PHACTR3: variants seen among roughly 807,000 people sequenced by gnomAD.
PHACTR3 encodes protein phosphatase 1, regulatory subunit 123.
A neutral mutation model predicts 66.8 loss-of-function variants in PHACTR3; 16 were observed. That is an observed-to-expected ratio of 0.24 (90% CI 0.16 to 0.36). The LOEUF is 0.36. Ranked by LOEUF, PHACTR3 falls within the 10% of genes least tolerant of loss-of-function variation. The probability of loss-of-function intolerance (pLI) is 1.00; values close to 1 mark genes in which losing one functional copy is unlikely to be tolerated. For missense variants in PHACTR3, 647 were observed against 719.9 expected, an observed-to-expected ratio of 0.90 and a Z score of 1.16; for synonymous variants, 323 against 292.1, an observed-to-expected ratio of 1.11 and a Z score of -1.08.
At chr20:59,816,215 C>G (rs2041882981) in intron 8 of PHACTR3, among the ~76,000 whole-genome samples, 1 of 152,006 alleles carries the variant, frequency 6.6e-6, no homozygotes, top group Non-Finnish European at 1.5e-5. Flanking sequence ...ATGCGTAGTT[C>G]ACAATCTGCT....
chr20:59,689,912 C>T (rs957486767), intron 1 of PHACTR3, among the ~76,000 whole-genome samples: 1 of 152,162 alleles, frequency 6.6e-6, no homozygotes, highest in African/African-American at 2.4e-5. Flanking sequence ...TGTCTGTGCG[C>T]TGGGAGGATA....
At chr20:59,634,516 C>T (rs1265440794) in intron 1 of PHACTR3, among the ~76,000 whole-genome samples, 1 of 152,212 alleles carries the variant, frequency 6.6e-6, no homozygotes, top group East Asian at 1.9e-4. Context: ...CAAGCCCTCA[C>T]CCTGGCCTGC....
intron 7 of PHACTR3, among the ~76,000 whole-genome samples, chr20:59,805,260 A>G (rs1035164189): frequency 2.6e-5 from 4 of 152,174 alleles, no homozygotes; most frequent in Non-Finnish European, 5.9e-5. Context: ...GATTCCAGAC[A>G]CACATAGAAC....
At chr20:59,785,861 G>GA (rs1287723545) in intron 7 of PHACTR3, among the ~76,000 whole-genome samples, 1 of 30,182 alleles carries the variant, frequency 3.3e-5, no homozygotes, top group Non-Finnish European at 1.6e-4. Flanking sequence ...TGCATCCCCT[G>GA]CTTCTGCATC....
At chr20:59,818,645 C>T (rs1029926579) in intron 8 of PHACTR3, among the ~76,000 whole-genome samples, 1 of 152,222 alleles carries the variant, frequency 6.6e-6, no homozygotes, top group Non-Finnish European at 1.5e-5. Context: ...GGTGATTTTG[C>T]AGCTACTGCT....
chr20:59,601,697 G>T (rs1186864453), upstream of PHACTR3, among the ~76,000 whole-genome samples: 1 of 152,222 alleles, frequency 6.6e-6, no homozygotes, highest in Non-Finnish European at 1.5e-5. Flanking sequence ...GGTCAGTAGA[G>T]GTGGGATTGC....
chr20:59,756,537 C>G (rs1025249708), intron 4 of PHACTR3, among the ~76,000 whole-genome samples: 93 of 152,154 alleles, frequency 6.1e-4, no homozygotes, highest in African/African-American at 2.1e-3. Flanking sequence ...GTGGCCGTGT[C>G]TCTCCAGTTT....
intron 3 of PHACTR3, among the ~76,000 whole-genome samples, chr20:59,751,514 C>T (rs1488244479): frequency 6.6e-6 from 1 of 152,180 alleles, no homozygotes; most frequent in South Asian, 2.1e-4. Flanking sequence ...CTGGAGCTTG[C>T]CCTGAAGCAG....
chr20:59,712,692 C>G (rs1337799815), intron 1 of PHACTR3, among the ~76,000 whole-genome samples: 1 of 152,194 alleles, frequency 6.6e-6, no homozygotes, highest in African/African-American at 2.4e-5. Context: ...CAATTTCTTT[C>G]TGGTCATTTT....
Position 59,811,680 on chromosome 20 carries a change from A to C in PHACTR3, c.1328+5486A>C, listed in dbSNP as rs544352740. Among the ~76,000 whole-genome samples, 23 of 147,278 alleles carry C rather than the reference A, an allele frequency of 1.6e-4. No individual in the cohort carries two copies. The East Asian group carries it at 4.8e-3, about 31-fold the overall frequency. ...GGGGTTGGGGGTGGTGGCAGTGCAG[A>C]CTGTCAACACAGCATGGAGCAGTGG... On this transcript the variant is annotated intron_variant, in intron 8 of 12. Transcript: ENST00000371015.
At chr20:59,585,958 C>G (rs2033017084) in intron 1 of PHACTR3, among the ~76,000 whole-genome samples, 1 of 152,220 alleles carries the variant, frequency 6.6e-6, no homozygotes, top group African/African-American at 2.4e-5. Context: ...CTCCTGAAAA[C>G]ATGTCGTATT....
chr20:59,805,449 G>C (rs6100600), intron 7 of PHACTR3, among the ~76,000 whole-genome samples: 20,007 of 152,248 alleles, frequency 0.13, 3,832 homozygotes, highest in African/African-American at 0.42. Context: ...CAGTTGGTTG[G>C]GGGGAATTAA....
chr20:59,743,789 T>G (rs972946684), intron 2 of PHACTR3, among the ~76,000 whole-genome samples: 2 of 152,174 alleles, frequency 1.3e-5, no homozygotes, highest in African/African-American at 2.4e-5. Flanking sequence ...GGCCGTCGGT[T>G]TGGCTTTGAC....
At chr20:59,803,318 TTGAC>T (rs924812779) in intron 7 of PHACTR3, among the ~76,000 whole-genome samples, 10 of 152,198 alleles carry the variant, frequency 6.6e-5, no homozygotes, top group African/African-American at 2.2e-4. Context: ...TGTGAAAAAA[TTGAC>T]TGCAATCTTT....
chr20:59,759,846 G>A (rs1382016665), intron 4 of PHACTR3, among the ~76,000 whole-genome samples: 1 of 152,174 alleles, frequency 6.6e-6, no homozygotes, highest in African/African-American at 2.4e-5. Flanking sequence ...AGATCCTCAA[G>A]TGGCAAATGT....
chr20:59,626,492 G>C (rs540564501), intron 1 of PHACTR3: 3 of 152,378 alleles, frequency 2.0e-5, no homozygotes, highest in Non-Finnish European at 2.9e-5. Flanking sequence ...GACTACCCTC[G>C]AGAAGAGCAC....
intron 1 of PHACTR3, among the ~76,000 whole-genome samples, chr20:59,730,795 C>G (rs2038735473): frequency 6.6e-6 from 1 of 152,116 alleles, no homozygotes; most frequent in Admixed American, 6.5e-5. Flanking sequence ...ATAGCCATGC[C>G]CATTAATTTA....
At chr20:59,643,706 G>C (rs1472298921) in intron 1 of PHACTR3, among the ~76,000 whole-genome samples, 1 of 152,226 alleles carries the variant, frequency 6.6e-6, no homozygotes, top group Non-Finnish European at 1.5e-5. Context: ...GCGGCGAGAA[G>C]CTGAGAGGGA....
At chr20:59,731,821 G>T (rs1014868362) in intron 1 of PHACTR3, among the ~76,000 whole-genome samples, 1 of 152,104 alleles carries the variant, frequency 6.6e-6, no homozygotes, top group African/African-American at 2.4e-5. Context: ...AAATTTTGAG[G>T]CCCAACTTCT....
Sources: allele counts gnomAD v4.1 joint callset (sites outside exome capture counted in the v4.1 genomes callset), GRCh38; gene constraint gnomAD v4.1.1; transcripts MANE v1.5; gene names NCBI Gene and HGNC (gene_info 2026-07-23, HGNC 2026-07-21).